PRKG1: variants seen among roughly 807,000 people sequenced by gnomAD.
The protein encoded by PRKG1 is protein kinase cGMP-dependent 1.
PRKG1 carries 35 observed loss-of-function variants against 88.1 expected under a neutral mutation model. The ratio of observed to expected loss-of-function variants is 0.40; its 90% CI spans 0.30 to 0.53. The LOEUF is 0.53. PRKG1 is among the 20% of genes least tolerant of loss of function. The pLI, the probability that PRKG1 is intolerant of heterozygous loss-of-function variation, is 0.59. For synonymous variants in PRKG1, 303 were observed against 292.5 expected, an observed-to-expected ratio of 1.04 and a Z score of -0.37; for missense variants, 540 against 839.8, an observed-to-expected ratio of 0.64 and a Z score of 4.41.
chr10:51,538,408 TACATATA>T (rs1413986335), intron 3 of PRKG1, among the ~76,000 whole-genome samples: 1 of 88,968 alleles, frequency 1.1e-5, no homozygotes, highest in South Asian at 4.2e-4. Flanking sequence ...TATATACATA[TACATATA>T]ATATATGATA....
chr10:51,602,966 T>C (rs557344770), intron 3 of PRKG1, among the ~76,000 whole-genome samples: 1 of 152,146 alleles, frequency 6.6e-6, no homozygotes, highest in East Asian at 1.9e-4. Flanking sequence ...AATTCAAGTT[T>C]ATTTTTTCTG....
chr10:52,023,580 G>A (rs560437098), intron 5 of PRKG1, among the ~76,000 whole-genome samples: 1 of 152,166 alleles, frequency 6.6e-6, no homozygotes, highest in South Asian at 2.1e-4. Context: ...AGCACCTGTT[G>A]TTTCCTGACT....
In PRKG1 at chr10:51,292,793, C is replaced by T. The variant is rs113512491; in HGVS notation, c.478+139463C>T. Among the ~76,000 whole-genome samples, 410 of 152,230 alleles carry T rather than the reference C, an allele frequency of 2.7e-3. 1 individual carries two copies. Among genetic ancestry groups the T allele is most frequent in the African/African-American group, 9.4e-3 (392 of 41,558 alleles). On this transcript the variant is annotated intron_variant, in intron 2 of 17. Transcript: ENST00000373980. ...CAACATTTATATCTATAAACATACACGTTTTAGCACCTATACTATTCTATA... is the reference window on the plus strand; with the variant it reads ...CAACATTTATATCTATAAACATACATGTTTTAGCACCTATACTATTCTATA...
chr10:51,863,052 A>G (rs1840926456), intron 4 of PRKG1, among the ~76,000 whole-genome samples: 1 of 150,904 alleles, frequency 6.6e-6, no homozygotes, highest in Non-Finnish European at 1.5e-5. Flanking sequence ...TCTTTCTCTT[A>G]CTCTCTCCCA....
intron 3 of PRKG1, among the ~76,000 whole-genome samples, chr10:51,772,839 A>G (rs1838340153): frequency 6.6e-6 from 1 of 152,104 alleles, no homozygotes; most frequent in Admixed American, 6.6e-5. Context: ...ATGGAGATTG[A>G]TGGCTAAAAC....
At chr10:51,372,758 A>T (rs1842730414) in intron 2 of PRKG1, among the ~76,000 whole-genome samples, 1 of 152,182 alleles carries the variant, frequency 6.6e-6, no homozygotes, top group Non-Finnish European at 1.5e-5. Context: ...AATTTTATCA[A>T]ATACTCTTCC....
At chr10:52,009,264 T>C (rs1055540357) in intron 5 of PRKG1, among the ~76,000 whole-genome samples, 6 of 152,162 alleles carry the variant, frequency 3.9e-5, no homozygotes, top group African/African-American at 1.4e-4. Context: ...ATTCTATATC[T>C]AGAAAACCCC....
At chr10:51,006,587 A>G (rs1323892582) in intron 1 of PRKG1, among the ~76,000 whole-genome samples, 1 of 152,058 alleles carries the variant, frequency 6.6e-6, no homozygotes, top group African/African-American at 2.4e-5. Context: ...CTCTGACCCT[A>G]TTTTCGGAGT....
intron 10 of PRKG1, among the ~76,000 whole-genome samples, chr10:52,258,871 G>C (rs1455753188): frequency 6.6e-6 from 1 of 151,964 alleles, no homozygotes; most frequent in Non-Finnish European, 1.5e-5. Flanking sequence ...AGAAGGCCTG[G>C]GAAGATATAC....
intron 3 of PRKG1, among the ~76,000 whole-genome samples, chr10:51,491,143 T>G (rs1480758052): frequency 1.3e-5 from 2 of 152,220 alleles, no homozygotes; most frequent in Non-Finnish European, 2.9e-5. Flanking sequence ...AAGTCAAGGA[T>G]AAATCTGATG....
chr10:51,309,304 T>C (rs749004356), intron 2 of PRKG1, among the ~76,000 whole-genome samples: 20 of 152,126 alleles, frequency 1.3e-4, no homozygotes, highest in Non-Finnish European at 2.4e-4. Flanking sequence ...ACAGAGAGCC[T>C]ACAGAATGGG....
At chr10:52,146,938 CTG>C (rs529560525) in intron 8 of PRKG1, among the ~76,000 whole-genome samples, 16 of 152,346 alleles carry the variant, frequency 1.1e-4, no homozygotes, top group African/African-American at 3.8e-4. Context: ...AACAACATGA[CTG>C]GGGTGAATCA....
At chr10:51,231,332 A>AC (rs1783024772) in intron 2 of PRKG1, among the ~76,000 whole-genome samples, 1 of 152,134 alleles carries the variant, frequency 6.6e-6, no homozygotes, top group Non-Finnish European at 1.5e-5. Context: ...ATTAAAATAG[A>AC]CCCAGTCAAA....
intron 3 of PRKG1, among the ~76,000 whole-genome samples, chr10:51,626,350 G>A (rs1389464208): frequency 6.6e-6 from 1 of 152,172 alleles, no homozygotes; most frequent in Non-Finnish European, 1.5e-5. Context: ...GTGATTAGGA[G>A]CTCTATATCA....
chr10:51,784,574 T>A (rs1838681307), intron 3 of PRKG1, among the ~76,000 whole-genome samples: 2 of 152,160 alleles, frequency 1.3e-5, no homozygotes, highest in African/African-American at 4.8e-5. Context: ...CCAGTGTGTT[T>A]TATATTTGGT....
At chr10:51,991,522 C>T (rs1844306812) in intron 5 of PRKG1, among the ~76,000 whole-genome samples, 1 of 152,028 alleles carries the variant, frequency 6.6e-6, no homozygotes, top group African/African-American at 2.4e-5. Context: ...TAAAGCTATC[C>T]CTCCCCCACT....
chr10:51,483,868 C>T (rs760498919), intron 3 of PRKG1, among the ~76,000 whole-genome samples: 2 of 152,200 alleles, frequency 1.3e-5, no homozygotes, highest in African/African-American at 2.4e-5. Flanking sequence ...CATTTATACA[C>T]TTAAGTTTTG....
At chr10:51,818,187 A>G (rs1389160027) in intron 4 of PRKG1, among the ~76,000 whole-genome samples, 1 of 151,504 alleles carries the variant, frequency 6.6e-6, no homozygotes, top group African/African-American at 2.5e-5. Context: ...TGTATTAGAT[A>G]AGAAGTCAAA....
At chr10:51,679,786 A>C (rs1589190648) in intron 3 of PRKG1, among the ~76,000 whole-genome samples, 1 of 139,496 alleles carries the variant, frequency 7.2e-6, no homozygotes, top group East Asian at 2.0e-4. Context: ...GGTTAGTTAC[A>C]TATGTATTCA....
Sources: allele counts gnomAD v4.1 joint callset (sites outside exome capture counted in the v4.1 genomes callset), GRCh38; gene constraint gnomAD v4.1.1; transcripts MANE v1.5; gene names NCBI Gene and HGNC (gene_info 2026-07-23, HGNC 2026-07-21).